Variants in LARGE1 observed in about 807,000 individuals in gnomAD.
LARGE1 encodes LARGE xylosyl- and glucuronyltransferase 1.
In LARGE1, 43 loss-of-function variants were observed where a neutral mutation model predicts 87.6. That is an observed-to-expected ratio of 0.49 (90% CI 0.38 to 0.63). The LOEUF (loss-of-function observed/expected upper bound fraction) is 0.63. Ranked by LOEUF, LARGE1 falls within the 30% of genes least tolerant of loss-of-function variation. The pLI, the probability that LARGE1 is intolerant of heterozygous loss-of-function variation, is 0.00. For missense variants in LARGE1, 802 were observed against 1,000.2 expected (o/e 0.80, Z 2.67); for synonymous variants, 434 against 394.6 (o/e 1.10, Z -1.18).
At chr22:33,729,610 T>G (rs1013495639) in intron 2 of LARGE1, among the ~76,000 whole-genome samples, 1 of 152,228 alleles carries the variant, frequency 6.6e-6, no homozygotes, top group Admixed American at 6.5e-5. Flanking sequence ...TTACTTCCAC[T>G]GAAAATGCCA....
At chr22:33,203,724 G>A (rs1008991166) in intron 11 of LARGE1, among the ~76,000 whole-genome samples, 6 of 152,246 alleles carry the variant, frequency 3.9e-5, no homozygotes, top group East Asian at 1.9e-4. Context: ...CTTTGCTGCC[G>A]CTGCTACCTC....
chr22:33,174,668 G>A (rs141588636), intron 11 of LARGE1, among the ~76,000 whole-genome samples: 2,143 of 152,062 alleles, frequency 0.014, 54 homozygotes, highest in African/African-American at 0.047. Flanking sequence ...ATATCACCAC[G>A]GATCCCATAG....
At chr22:33,247,044 AGTATGTGTGT>A (rs1381177710) in intron 11 of LARGE1, among the ~76,000 whole-genome samples, 1 of 82,804 alleles carries the variant, frequency 1.2e-5, no homozygotes, top group East Asian at 3.7e-4. Flanking sequence ...AACTGCAGCC[AGTATGTGTGT>A]GTGTGTGTGT....
chr22:33,468,054 C>G lies in LARGE1; in HGVS notation c.788-35789G>C, dbSNP rs562738657. 5.9e-5 allele frequency among the ~76,000 whole-genome samples: 9 copies of G among 152,308 alleles called. No individual in the cohort carries two copies. In the South Asian group the frequency reaches 1.7e-3, roughly 28 times the overall value. On this transcript the variant is annotated intron_variant, in intron 6 of 14. Transcript: ENST00000397394. ...GGAATGCAGATCTTGAAGGTAACAT[C>G]TGGAAGCAACCTGTCATGTTTCCTA...
rs1397270721 is a variant in LARGE1 at position 33,564,933 on chromosome 22, G to C, written c.702C>G (p.Asn234Lys). Residue 234 changes from asparagine (N) to lysine (K), a missense_variant, in exon 6 of 15, where the codon AAC becomes AAG. Physicochemically the swap from Asn to Lys is moderately conservative, Grantham distance 94. This residue lies in a region of LARGE1 where 625 missense variants were observed against 841.9 expected (regional missense o/e 0.74). Transcript: ENST00000397394. ...KLVLTKTLPA[N>K]LERVIVLDTD... ...TGTCAAGGACGATGACTCTCTCCAG[G>C]TTGGCAGGAAGAGTCTTGGTCAGGA... 6.2e-7 allele frequency: 1 copy of C among 1,613,988 alleles called. No individual in the cohort carries two copies. The highest frequency in any genetic ancestry group is 1.1e-5 in the South Asian group (1 of 91,080).
At chr22:33,682,809 C>A (rs2081820267) in intron 2 of LARGE1, among the ~76,000 whole-genome samples, 1 of 152,186 alleles carries the variant, frequency 6.6e-6, no homozygotes, top group Non-Finnish European at 1.5e-5. Context: ...GCTATGCTAT[C>A]TGAACCCAGA....
intron 11 of LARGE1, among the ~76,000 whole-genome samples, chr22:33,187,280 T>C (rs1015086406): frequency 2.0e-5 from 3 of 152,208 alleles, no homozygotes; most frequent in African/African-American, 7.2e-5. Context: ...GAAAATGTGG[T>C]ATATGTACAT....
At chr22:33,067,081 A>G in the LARGE1 span, among the ~76,000 whole-genome samples, 1 of 151,912 alleles carries the variant, frequency 6.6e-6, no homozygotes, top group Admixed American at 6.6e-5. Flanking sequence ...GCTCCGCTAC[A>G]CTGGGAGAGG....
intron 2 of LARGE1, among the ~76,000 whole-genome samples, chr22:33,721,393 T>C (rs2083092532): frequency 6.6e-6 from 1 of 152,248 alleles, no homozygotes; most frequent in Non-Finnish European, 1.5e-5. Context: ...AGAATTTGAA[T>C]GTGCAAGTTT....
intron 2 of LARGE1, among the ~76,000 whole-genome samples, chr22:33,753,088 C>T (rs2084381287): frequency 6.6e-6 from 1 of 152,100 alleles, no homozygotes; most frequent in African/African-American, 2.4e-5. Flanking sequence ...GGCGTGGTGG[C>T]ACGTGCCTGT....
intron 13 of LARGE1, among the ~76,000 whole-genome samples, chr22:33,281,309 C>A (rs1385601460): frequency 1.3e-5 from 2 of 152,006 alleles, no homozygotes; most frequent in East Asian, 3.9e-4. Flanking sequence ...CTATGGCATT[C>A]ATGGGAGACT....
chr22:33,151,190 A>G, the LARGE1 span, among the ~76,000 whole-genome samples: 1 of 152,296 alleles, frequency 6.6e-6, no homozygotes, highest in African/African-American at 2.4e-5. Flanking sequence ...CGTTTATGTA[A>G]GAATTCAATT....
the LARGE1 span, among the ~76,000 whole-genome samples, chr22:33,119,561 CT>C: frequency 8.8e-4 from 132 of 149,430 alleles, 1 homozygote; most frequent in Admixed American, 7.4e-3. Flanking sequence ...GCCCTGATGA[CT>C]TTTTTTTTTC....
the LARGE1 span, among the ~76,000 whole-genome samples, chr22:33,128,397 A>T: frequency 6.6e-6 from 1 of 152,248 alleles, no homozygotes; most frequent in African/African-American, 2.4e-5. Context: ...GTGGTAGGCC[A>T]GATGCAGTGG....
At chr22:33,368,428 C>T (rs886995289) in intron 9 of LARGE1, among the ~76,000 whole-genome samples, 11 of 148,500 alleles carry the variant, frequency 7.4e-5, no homozygotes, top group Non-Finnish European at 1.5e-5. Flanking sequence ...TAGCTACTTG[C>T]GAGGCTGAGG....
intron 1 of LARGE1, among the ~76,000 whole-genome samples, chr22:33,881,196 G>C (rs1360038927): frequency 1.3e-5 from 2 of 152,054 alleles, no homozygotes; most frequent in Admixed American, 1.3e-4. Context: ...ACACAGTTAC[G>C]AGCCCCCCGG....
chr22:33,463,760 C>T (rs2068475642), intron 6 of LARGE1, among the ~76,000 whole-genome samples: 1 of 152,126 alleles, frequency 6.6e-6, no homozygotes, highest in Admixed American at 6.5e-5. Flanking sequence ...ATAACCTCCG[C>T]CTCCCAGGTT....
chr22:33,829,205 C>T (rs956673733), intron 1 of LARGE1, among the ~76,000 whole-genome samples: 2 of 151,780 alleles, frequency 1.3e-5, no homozygotes, highest in Admixed American at 6.6e-5. Flanking sequence ...GACGGGGTTT[C>T]GCCATGTTGT....
chr22:33,527,100 T>C (rs2071940989), intron 6 of LARGE1, among the ~76,000 whole-genome samples: 1 of 151,952 alleles, frequency 6.6e-6, no homozygotes. Flanking sequence ...TTACTAAAAA[T>C]ACAAAATTAG....
Sources: gnomAD v4.1 joint callset for allele counts (sites outside exome capture counted in the v4.1 genomes callset) on GRCh38, gnomAD v4.1.1 for gene constraint, gnomAD v4.1.1 regional missense constraint, MANE v1.5 for transcripts, NCBI Gene and HGNC (gene_info 2026-07-23, HGNC 2026-07-21) for gene names.